The following ZNF333 variants were observed in gnomAD, a reference collection of about 807,000 sequenced individuals.
The protein encoded by ZNF333 is zinc finger protein 333.
A neutral mutation model predicts 76.1 loss-of-function variants in ZNF333; 61 were observed. The observed-to-expected ratio is 0.80, with a 90% CI of 0.65 to 0.99. The LOEUF is 0.99. ZNF333 is among the 50% of genes least tolerant of loss of function. The probability of loss-of-function intolerance (pLI) is 0.00; values close to 1 mark genes in which losing one functional copy is unlikely to be tolerated. For synonymous variants in ZNF333, 284 were observed against 305.0 expected (o/e 0.93, Z 0.72); for missense variants, 717 against 822.4 (o/e 0.87, Z 1.57).
At chr19:14,712,660 C>T (rs2042311772) in intron 7 of ZNF333, among the ~76,000 whole-genome samples, 1 of 152,092 alleles carries the variant, frequency 6.6e-6, no homozygotes, top group Non-Finnish European at 1.5e-5. Context: ...TGGCCTGCAG[C>T]CCTTGGTGCT....
chr19:14,717,607 A>G, intron 10 of ZNF333, 50 bp from the exon 11 acceptor site: 1 of 1,547,436 alleles, frequency 6.5e-7, no homozygotes, highest in Non-Finnish European at 8.9e-7. Context: ...CCTTGATCCC[A>G]CAGTTTCTTT....
At chr19:14,701,647 T>A (rs2041962166) in intron 5 of ZNF333, 1 of 985,308 alleles carries the variant, frequency 1.0e-6, no homozygotes, top group African/African-American at 1.7e-5. Flanking sequence ...CGGTGCCCTC[T>A]TTGTTTCTGT....
intron 5 of ZNF333, 81 bp downstream of exon 5, chr19:14,699,362 C>T: frequency 1.6e-6 from 2 of 1,239,400 alleles, no homozygotes; most frequent in East Asian, 2.3e-5. Flanking sequence ...GGACCAGAGC[C>T]AGGGAGATGT....
At position 14,720,212 on chromosome 19, in the gene ZNF333, T is replaced by A; in HGVS notation, c.*887T>A. Reference sequence around the variant, plus strand: ...AAAATAATAATAATAAAAAAAAGCTTCCATCTCCCAGCCCTTCTTGCAAGC... The same window carrying A: ...AAAATAATAATAATAAAAAAAAGCTACCATCTCCCAGCCCTTCTTGCAAGC... On this transcript the variant is annotated 3_prime_UTR_variant, in exon 12 of 12. Coordinates refer to ENST00000292530, the MANE Select transcript of ZNF333 (RefSeq NM_032433.4). 1.0e-6 allele frequency: 1 copy of A among 984,984 alleles called. No individual in the cohort carries two copies. Among genetic ancestry groups the A allele is most frequent in the Non-Finnish European group, 1.2e-6 (1 of 829,686 alleles). 61.0% of individuals were successfully genotyped at this position (984,984 alleles called of 1,614,324 possible). A position where few individuals can be genotyped will look rare whatever the true frequency, so the allele number is the denominator to read the frequency against.
chr19:14,695,079 AG>A lies in ZNF333; in HGVS notation c.75del (p.Ser26AlafsTer83). On this transcript the variant is annotated frameshift_variant, in exon 3 of 12. Coordinates refer to ENST00000292530, the MANE Select transcript of ZNF333 (RefSeq NM_032433.4). LOFTEE classifies it high-confidence loss of function. ...GTGGGCATTGCTGGACAGCGCACGG[AG>A]GAGCCTGTGCAAATACAGGATGCTT... Reference protein sequence around the residue: ...QEWALLDSARRSLCKYRMLDQ... With the variant: ...QEWALLDSARXSLCKYRMLDQ... 6.2e-7 allele frequency: 1 copy of A among 1,614,092 alleles called. No homozygotes were observed. The highest frequency in any genetic ancestry group is 8.5e-7 in the Non-Finnish European group (1 of 1,179,970).
At chr19:14,733,239 C>T (rs2042693434) in exon 12 of ZNF333, 1 of 152,090 alleles carries the variant, frequency 6.6e-6, no homozygotes, top group Non-Finnish European at 1.5e-5. Flanking sequence ...AGCAGGAGCC[C>T]CGTTATTTTG....
intron 8 of ZNF333, 114 bp from the exon 9 acceptor site, chr19:14,715,998 G>C: frequency 6.5e-7 from 1 of 1,536,580 alleles, no homozygotes; most frequent in Admixed American, 2.0e-5. Flanking sequence ...TCAGAACCCT[G>C]TCTGAAAGTC....
chr19:14,693,428 C>A, intron 1 of ZNF333, 23 bp from the exon 2 acceptor site: 1 of 1,566,040 alleles, frequency 6.4e-7, no homozygotes. Context: ...CCTTCTTTTA[C>A]CTCAGTGTCT....
chr19:14,691,529 T>G (rs1483065426), intron 1 of ZNF333, among the ~76,000 whole-genome samples: 1 of 152,186 alleles, frequency 6.6e-6, no homozygotes, highest in Non-Finnish European at 1.5e-5. Flanking sequence ...GGTGTTTGTT[T>G]CCACAAAGAA....
intron 1 of ZNF333, among the ~76,000 whole-genome samples, chr19:14,692,058 T>C (rs1568516848): frequency 6.6e-6 from 1 of 152,184 alleles, no homozygotes; most frequent in Non-Finnish European, 1.5e-5. Flanking sequence ...TGTTGATTAT[T>C]TGGCATATTT....
intron 9 of ZNF333, among the ~76,000 whole-genome samples, chr19:14,716,741 T>C (rs1344576239): frequency 1.3e-5 from 2 of 152,268 alleles, no homozygotes; most frequent in African/African-American, 2.4e-5. Context: ...CTAAAAGTTT[T>C]TGGGCTTCTC....
intron 8 of ZNF333, 142 bp from the exon 9 acceptor site, chr19:14,715,970 G>A: frequency 2.2e-6 from 3 of 1,374,174 alleles, no homozygotes; most frequent in Non-Finnish European, 3.0e-6. Context: ...TGAGCTAAGG[G>A]CCAGATTCTG....
intron 9 of ZNF333, 56 bp downstream of exon 9, chr19:14,716,294 T>A: frequency 6.3e-7 from 1 of 1,575,368 alleles, no homozygotes; most frequent in Non-Finnish European, 8.6e-7. Flanking sequence ...AGTCTTGCTC[T>A]GTTGCCTAGG....
chr19:14,697,980 C>T (rs1175211535), intron 4 of ZNF333, among the ~76,000 whole-genome samples: 1 of 152,124 alleles, frequency 6.6e-6, no homozygotes, highest in East Asian at 1.9e-4. Flanking sequence ...GAATTCTTAG[C>T]TAGGAAATTG....
Position 14,719,144 on chromosome 19 carries a change from T to C in ZNF333, c.1817T>C (p.Ile606Thr), listed in dbSNP as rs756903064. ...GCCTTTGGTCAGTCTTCACATCTTA[T>C]TGTACATGTGAGAACACACAGTGCC... ...GRAFGQSSHL[I>T]VHVRTHSAGR... The change falls in exon 12 of 12, where the codon ATT (isoleucine) becomes ACT (threonine). Residue 606 changes from isoleucine to threonine, a missense_variant. Coordinates refer to ENST00000292530, the MANE Select transcript of ZNF333 (RefSeq NM_032433.4). The C allele has an allele frequency of 2.5e-6, 4 of 1,614,216 alleles. No individual in the cohort carries two copies. The highest frequency in any genetic ancestry group is 3.3e-5 in the Admixed American group (2 of 60,032).
In ZNF333 at chr19:14,720,693, T is replaced by A. The variant is rs1411918898; in HGVS notation, c.*1368T>A. On this transcript the variant is annotated 3_prime_UTR_variant, in exon 12 of 12. Transcript: ENST00000292530. Reference sequence around the variant, plus strand: ...AGTATATGTCAGTTTTTATAAATGCTTCATGGATGGTTGAAATCAATGTAT... The same window carrying A: ...AGTATATGTCAGTTTTTATAAATGCATCATGGATGGTTGAAATCAATGTAT... 2.0e-6 allele frequency: 2 copies of A among 985,312 alleles called. No homozygotes were observed. Among genetic ancestry groups the A allele is most frequent in the Non-Finnish European group, 2.4e-6 (2 of 829,944 alleles). The allele number at this position is 985,312 out of a possible 1,614,324, so 61.0% of individuals were successfully genotyped here.
At chr19:14,695,810 C>T (rs1973137175) in intron 4 of ZNF333, 149 bp downstream of exon 4, 2 of 652,240 alleles carry the variant, frequency 3.1e-6, no homozygotes. Flanking sequence ...TTTAGCTTCT[C>T]TTCTATTTTC....
At chr19:14,695,533 T>C (rs1315799541) in intron 3 of ZNF333, 33 bp from the exon 4 acceptor site, 1 of 1,602,138 alleles carries the variant, frequency 6.2e-7, no homozygotes, top group Admixed American at 1.7e-5. Flanking sequence ...AAGCCCTCTC[T>C]CTCTCAGTGC....
At chr19:14,696,769 C>T (rs1019092975) in intron 4 of ZNF333, among the ~76,000 whole-genome samples, 3 of 141,588 alleles carry the variant, frequency 2.1e-5, no homozygotes, top group East Asian at 2.0e-4. Flanking sequence ...GACAGAGTCT[C>T]GCCCTGTCAC....
Sources: allele counts gnomAD v4.1 joint callset (sites outside exome capture counted in the v4.1 genomes callset), GRCh38; gene constraint gnomAD v4.1.1; transcripts MANE v1.5; gene names NCBI Gene and HGNC (gene_info 2026-07-23, HGNC 2026-07-21).